The following ENOX2 variants were observed in gnomAD, a reference collection of about 807,000 sequenced individuals.
ENOX2 encodes the protein ecto-NOX disulfide-thiol exchanger 2.
In ENOX2, 36 loss-of-function variants were observed where a neutral mutation model predicts 45.0. The ratio of observed to expected loss-of-function variants is 0.80; its 90% CI spans 0.61 to 1.06. The LOEUF (loss-of-function observed/expected upper bound fraction) is 1.06, where lower values mean the gene tolerates loss of function less well. Among genes scored for constraint, ENOX2 ranks in the 50% least tolerant of loss-of-function variants. ENOX2 has a pLI of 0.00. For synonymous variants in ENOX2, 174 were observed against 152.3 expected, an observed-to-expected ratio of 1.14 and a Z score of -1.05; for missense variants, 423 against 462.5, an observed-to-expected ratio of 0.91 and a Z score of 0.78.
At chrX:130,803,685 A>G (rs2077255958) in intron 2 of ENOX2, among the ~76,000 whole-genome samples, 1 of 111,768 alleles carries the variant, frequency 8.9e-6, no homozygotes, top group Non-Finnish European at 1.9e-5. Flanking sequence ...AAGAAGGTTA[A>G]TGAATTAAAA....
chrX:130,677,028 C>T (rs112095392), intron 6 of ENOX2, among the ~76,000 whole-genome samples: 2 of 112,035 alleles, frequency 1.8e-5, no homozygotes, highest in African/African-American at 6.5e-5. Flanking sequence ...AACCACTACT[C>T]ACTGTTTCCT....
intron 14 of ENOX2, among the ~76,000 whole-genome samples, chrX:130,627,270 G>A (rs1351761852): frequency 1.8e-5 from 2 of 111,747 alleles, no homozygotes; most frequent in African/African-American, 6.5e-5. Context: ...TTGGATAATG[G>A]CTAAAAACCA....
chrX:130,682,462 T>C (rs2037331590), intron 5 of ENOX2, among the ~76,000 whole-genome samples: 2 of 107,868 alleles, frequency 1.9e-5, no homozygotes, highest in South Asian at 8.4e-4. Context: ...CACGTGCCTG[T>C]AATCCCAGCT....
At chrX:130,728,966 G>T (rs2038671643) in intron 3 of ENOX2, among the ~76,000 whole-genome samples, 1 of 111,725 alleles carries the variant, frequency 9.0e-6, no homozygotes, top group African/African-American at 3.3e-5. Flanking sequence ...AAAGGAAACT[G>T]AAGTCTGTGG....
chrX:130,757,626 TAGGTGGTC>T (rs2039383213), intron 3 of ENOX2, among the ~76,000 whole-genome samples: 1 of 112,097 alleles, frequency 8.9e-6, no homozygotes. Flanking sequence ...TCCTGTCCCT[TAGGTGGTC>T]ATTCACTTGT....
intron 2 of ENOX2, among the ~76,000 whole-genome samples, chrX:130,815,642 A>G (rs1007539015): frequency 9.8e-5 from 11 of 112,112 alleles, no homozygotes; most frequent in African/African-American, 2.9e-4. Flanking sequence ...ATATCCATCG[A>G]AACTAAGCTT....
At chrX:130,719,868 T>C (rs1019333114) in intron 3 of ENOX2, among the ~76,000 whole-genome samples, 2 of 112,231 alleles carry the variant, frequency 1.8e-5, no homozygotes, top group Non-Finnish European at 3.8e-5. Flanking sequence ...GATACTAAGC[T>C]TCTATCTTTA....
intron 3 of ENOX2, among the ~76,000 whole-genome samples, chrX:130,776,523 C>T (rs999360954): frequency 4.5e-5 from 5 of 110,776 alleles, no homozygotes; most frequent in African/African-American, 6.6e-5. Flanking sequence ...ATGTGACATG[C>T]CTGCTTCCCC....
At chrX:130,853,463 C>CAAAAAAAAAAAAAAAAAAAAAAAAAAA (rs754949787) in intron 2 of ENOX2, among the ~76,000 whole-genome samples, 1 of 27,993 alleles carries the variant, frequency 3.6e-5, no homozygotes, top group Non-Finnish European at 6.9e-5. Flanking sequence ...GACTCCGTCT[C>CAAAAAAAAAAAAAAAAAAAAAAAAAAA]AAAAAAAAAA....
intron 3 of ENOX2, among the ~76,000 whole-genome samples, chrX:130,705,200 T>C (rs1322383975): frequency 8.9e-6 from 1 of 112,095 alleles, no homozygotes; most frequent in Non-Finnish European, 1.9e-5. Context: ...TGGGACCCAA[T>C]GCCAAAAATA....
At chrX:130,773,294 A>G (rs1186686782) in intron 3 of ENOX2, among the ~76,000 whole-genome samples, 1 of 112,147 alleles carries the variant, frequency 8.9e-6, no homozygotes, top group Non-Finnish European at 1.9e-5. Context: ...TAACTTGCCT[A>G]AAGTCAGGGC....
At chrX:130,649,946 C>G (rs141162373) in intron 10 of ENOX2, among the ~76,000 whole-genome samples, 3 of 112,482 alleles carry the variant, frequency 2.7e-5, no homozygotes, top group Non-Finnish European at 5.6e-5. Context: ...CCAAGGACAG[C>G]ATCTTGAGCT....
intron 3 of ENOX2, among the ~76,000 whole-genome samples, chrX:130,770,414 G>A (rs757597550): frequency 8.9e-5 from 10 of 111,934 alleles, no homozygotes; most frequent in African/African-American, 3.2e-4. Flanking sequence ...AATGACTAGA[G>A]AATCTACAAA....
intron 2 of ENOX2, among the ~76,000 whole-genome samples, chrX:130,809,046 A>G: frequency 8.9e-6 from 1 of 112,441 alleles, no homozygotes; most frequent in South Asian, 3.7e-4. Flanking sequence ...CTGGCCTGGA[A>G]GTGAGTTTCT....
chrX:130,695,630 G>T (rs964449253), intron 4 of ENOX2, among the ~76,000 whole-genome samples: 3 of 111,439 alleles, frequency 2.7e-5, no homozygotes, highest in Non-Finnish European at 3.8e-5. Flanking sequence ...ATTTCAAATA[G>T]GATCTAATTA....
intron 3 of ENOX2, among the ~76,000 whole-genome samples, chrX:130,730,145 G>A (rs965948124): frequency 1.6e-4 from 18 of 112,162 alleles, no homozygotes; most frequent in African/African-American, 5.8e-4. Flanking sequence ...TTGTCACTCT[G>A]TCCTCCACAT....
chrX:130,718,647 TA>T (rs2038390886), intron 3 of ENOX2, among the ~76,000 whole-genome samples: 2 of 112,317 alleles, frequency 1.8e-5, no homozygotes, highest in South Asian at 7.4e-4. Flanking sequence ...ACTAAATGGT[TA>T]TGAATTTTCT....
At chrX:130,844,594 A>C (rs973043947) in intron 2 of ENOX2, among the ~76,000 whole-genome samples, 2 of 112,652 alleles carry the variant, frequency 1.8e-5, no homozygotes, top group Admixed American at 9.4e-5. Flanking sequence ...ACAGAAAAAA[A>C]AGTAAGATAA....
At chrX:130,861,709 G>C (rs1331641038) in intron 2 of ENOX2, among the ~76,000 whole-genome samples, 1 of 111,569 alleles carries the variant, frequency 9.0e-6, no homozygotes, top group Non-Finnish European at 1.9e-5. Flanking sequence ...CTATTGTACA[G>C]CATAGTGCCT....
Sources: allele counts gnomAD v4.1 joint callset (sites outside exome capture counted in the v4.1 genomes callset), GRCh38; gene constraint gnomAD v4.1.1; transcripts MANE v1.5; gene names NCBI Gene and HGNC (gene_info 2026-07-23, HGNC 2026-07-21).